The following PCGF1 variants were observed in gnomAD, a reference collection of about 807,000 sequenced individuals.
The protein encoded by PCGF1 is polycomb group RING finger protein 1.
In PCGF1, 10 loss-of-function variants were observed where a neutral mutation model predicts 38.8. The observed-to-expected ratio is 0.26, with a 90% confidence interval of 0.16 to 0.44. The LOEUF (loss-of-function observed/expected upper bound fraction) is 0.44. Ranked by LOEUF, PCGF1 falls within the 20% of genes least tolerant of loss-of-function variation. PCGF1 has a pLI of 1.00. For synonymous variants in PCGF1, 119 were observed against 121.3 expected, an observed-to-expected ratio of 0.98 and a Z score of 0.12; for missense variants, 230 against 331.5, an observed-to-expected ratio of 0.69 and a Z score of 2.38.
At chr2:74,505,659 G>T (rs1026602995) in intron 6 of PCGF1, 21 bp from the exon 7 acceptor site, 1 of 1,614,020 alleles carries the variant, frequency 6.2e-7, no homozygotes, top group Non-Finnish European at 8.5e-7. Flanking sequence ...GGAGGGGAGG[G>T]AAGAGGGCAA....
In PCGF1 at chr2:74,505,415, T is replaced by C; in HGVS notation, c.656A>G (p.Gln219Arg). 1 of 1,609,586 alleles carries C rather than the reference T, an allele frequency of 6.2e-7. No homozygotes were observed. The highest frequency in any genetic ancestry group is 8.5e-7 in the Non-Finnish European group (1 of 1,177,420). ...GAGAACTTCATTGTCAAAAAGGAGC[T>C]GCACCTAGGAGGGAGATGGGGGCAT... Reference protein sequence around the residue: ...HRLMLNPQHVQLLFDNEVLPD... With the variant: ...HRLMLNPQHVRLLFDNEVLPD... The change falls in exon 8 of 9, where the codon CAG becomes CGG. Residue 219 changes from glutamine (Q) to arginine (R), a missense_variant. Around this residue, in one of 3 missense-constraint regions of PCGF1, gnomAD observed 144 missense variants for 182.4 expected, o/e 0.79. Coordinates refer to ENST00000233630, the MANE Select transcript of PCGF1 (RefSeq NM_032673.3).
intron 3 of PCGF1, 86 bp downstream of exon 3, chr2:74,506,646 C>A: frequency 1.4e-6 from 2 of 1,457,998 alleles, no homozygotes; most frequent in South Asian, 2.3e-5. Flanking sequence ...CTTCTGCCTA[C>A]GTGAGTCCTA....
rs777234621 is a variant in PCGF1 at position 74,505,142 on chromosome 2, C to T, written c.*1G>A. The T allele has an allele frequency of 4.7e-6, 7 of 1,500,818 alleles. No homozygotes were observed. In the Admixed American group the frequency reaches 9.3e-5, roughly 20 times the overall value. The allele number at this position is 1,500,818 out of a possible 1,614,324, so 93.0% of individuals were successfully genotyped here. ...AGTGGGATGGGGTGGGGGCTTGGCCCCTACCTCCTCTTCTCTTTCACACTG... is the reference window on the plus strand; with the variant it reads ...AGTGGGATGGGGTGGGGGCTTGGCCTCTACCTCCTCTTCTCTTTCACACTG... On this transcript the variant is annotated 3_prime_UTR_variant, in exon 9 of 9. Coordinates refer to ENST00000233630, the MANE Select transcript of PCGF1 (RefSeq NM_032673.3).
At chr2:74,506,578 A>C in intron 3 of PCGF1, 154 bp downstream of exon 3, 1 of 858,996 alleles carries the variant, frequency 1.2e-6, no homozygotes, top group Non-Finnish European at 1.8e-6. Flanking sequence ...TCAAAAAAAG[A>C]AAAAAAAGAA....
At chr2:74,505,479 G>A (rs865787941) in intron 7 of PCGF1, 60 bp from the exon 8 acceptor site, 1 of 1,608,118 alleles carries the variant, frequency 6.2e-7, no homozygotes. Context: ...AACTACCCTG[G>A]TCCACCCTAG....
At chr2:74,507,550 C>T (rs1237706063) in intron 1 of PCGF1, 26 bp downstream of exon 1, 1 of 1,566,896 alleles carries the variant, frequency 6.4e-7, no homozygotes. Context: ...TGGCCGACCA[C>T]AGCAGTAACC....
Position 74,505,755 on chromosome 2 carries a change from CTTGTCT to C in PCGF1, c.540_545del (p.Asp181_Lys182del). The stretch of plus-strand genomic sequence containing the variant: ...TTCTCACCTGCAGGACGCTTTTATT[CTTGTCT>C]TTGCCAGAACTGGGGGGAAATAGAC... On this transcript the variant is annotated inframe_deletion, in exon 6 of 9. Transcript: ENST00000233630. 3 of 1,614,182 alleles carry C rather than the reference CTTGTCT, an allele frequency of 1.9e-6. No individual in the cohort carries two copies. The highest frequency in any genetic ancestry group is 2.5e-6 in the Non-Finnish European group (3 of 1,180,024).
At chr2:74,507,483 G>T in intron 1 of PCGF1, 93 bp downstream of exon 1, 1 of 1,517,720 alleles carries the variant, frequency 6.6e-7, no homozygotes, top group Non-Finnish European at 8.8e-7. Context: ...CTGCGCAGGC[G>T]CACTGGGCGC....
rs375026309 is a variant in PCGF1 at position 74,505,745 on chromosome 2, C to T, written c.556G>A (p.Val186Ile). The T allele has an allele frequency of 2.6e-5, 42 of 1,614,040 alleles. No homozygotes were observed. The African/African-American group carries it at 3.3e-4, about 13-fold the overall frequency. Residue 186 changes from valine to isoleucine, a missense_variant, in exon 6 of 9, where the codon GTC (valine) becomes ATC (isoleucine). Physicochemically the swap from Val to Ile is conservative, Grantham distance 29 (BLOSUM62 3). Coordinates refer to ENST00000233630, the MANE Select transcript of PCGF1 (RefSeq NM_032673.3). ...LSSGKDKNKS[V>I]LQNKYVRCSV... ...CCCTCAGCCCTTCTCACCTGCAGGA[C>T]GCTTTTATTCTTGTCTTTGCCAGAA...
At chr2:74,505,692 G>T in intron 6 of PCGF1, 45 bp downstream of exon 6, 1 of 1,614,074 alleles carries the variant, frequency 6.2e-7, no homozygotes. Context: ...AAGGACCATG[G>T]GAGGTGAGTC....
At position 74,507,607 on chromosome 2, in the gene PCGF1, G is replaced by T; in HGVS notation, c.62C>A (p.Ser21Ter). Residue 21 changes from serine to a stop codon, truncating the protein, a stop_gained, in exon 1 of 9, where the codon TCA becomes TAA. Transcript: ENST00000233630. LOFTEE classifies it high-confidence loss of function. The part of the protein sequence containing the change: ...IAMRLRNQLQ[S>*]VYKMDPLRNE... ...CCGTAGCGGGTCCATCTTGTACACT[G>T]ACTGGAGCTGGTTCCGAAGCCTCAT... 2 of 1,588,786 alleles carry T rather than the reference G, an allele frequency of 1.3e-6. No individual in the cohort carries two copies. Among genetic ancestry groups the T allele is most frequent in the South Asian group, 1.1e-5 (1 of 87,086 alleles).
In PCGF1 at chr2:74,505,283, G is replaced by C. The variant is rs1674600197; in HGVS notation, c.732+56C>G. ...CCCACCCTTCCCCTGAGGACTGTAG[G>C]ATGGTTGGGGGGAGTCTGAAGGGGG... On this transcript the variant is annotated intron_variant, in intron 8 of 8. Transcript: ENST00000233630. The C allele has an allele frequency of 2.5e-6, 4 of 1,580,754 alleles. No homozygotes were observed. In the South Asian group the frequency reaches 4.6e-5, roughly 18 times the overall value.
chr2:74,505,949 C>T lies in PCGF1; in HGVS notation c.530+3G>A. ...CTCCTGCAACCCCTGACCTTCTCCT[C>T]ACCTCAGCCGCTCCAGGCACAGGTT... On this transcript the variant is annotated splice_donor_region_variant and intron_variant, in intron 5 of 8. Coordinates refer to ENST00000233630, the MANE Select transcript of PCGF1 (RefSeq NM_032673.3). The T allele has an allele frequency of 6.2e-7, 1 of 1,613,920 alleles. No homozygotes were observed. The highest frequency in any genetic ancestry group is 8.5e-7 in the Non-Finnish European group (1 of 1,179,982).
chr2:74,506,477 C>T (rs1021816293), intron 3 of PCGF1: 2 of 611,652 alleles, frequency 3.3e-6, no homozygotes, highest in Admixed American at 5.9e-5. Flanking sequence ...ACTCAGGAGG[C>T]TGAGGCAGGA....
intron 3 of PCGF1, 197 bp downstream of exon 3, chr2:74,506,535 G>A (rs1179074142): frequency 2.6e-5 from 17 of 646,630 alleles, no homozygotes; most frequent in East Asian, 1.1e-4. Flanking sequence ...CTGAGATTGC[G>A]CCACTGCACT....
intron 5 of PCGF1, 78 bp downstream of exon 5, chr2:74,505,874 T>G: frequency 6.2e-7 from 1 of 1,601,870 alleles, no homozygotes; most frequent in South Asian, 1.1e-5. Flanking sequence ...CACTCACTGC[T>G]CAGCCTCTCC....
At position 74,507,679 on chromosome 2, in the gene PCGF1, G is replaced by C. The variant is rs771608876; in HGVS notation, c.-11C>G. On this transcript the variant is annotated 5_prime_UTR_variant, in exon 1 of 9. The change creates a new upstream start codon in the 5' untranslated region. Coordinates refer to ENST00000233630, the MANE Select transcript of PCGF1 (RefSeq NM_032673.3). Reference sequence around the variant, plus strand: ...CTGAGGAGACGCCATCTTAAAGGCTGATCCCAGCCGGCCACTTCCGGTGCC... The same window carrying C: ...CTGAGGAGACGCCATCTTAAAGGCTCATCCCAGCCGGCCACTTCCGGTGCC... 1.3e-6 allele frequency: 2 copies of C among 1,552,582 alleles called. No homozygotes were observed. The highest frequency in any genetic ancestry group is 1.7e-6 in the Non-Finnish European group (2 of 1,148,484).
chr2:74,506,333 T>C lies in PCGF1; in HGVS notation c.353-81A>G, dbSNP rs1674633937. 9.8e-6 allele frequency: 13 copies of C among 1,330,262 alleles called. No homozygotes were observed. The Admixed American group carries it at 2.2e-4, about 23-fold the overall frequency. The allele number at this position is 1,330,262 out of a possible 1,614,324, so 82.4% of individuals were successfully genotyped here. On this transcript the variant is annotated intron_variant, in intron 3 of 8. Coordinates refer to ENST00000233630, the MANE Select transcript of PCGF1 (RefSeq NM_032673.3). The stretch of plus-strand genomic sequence containing the variant: ...TGGCTCACGCCTGTAATCCCAGCAC[T>C]TTGGGAGGCAGAGGTGGGCAGATCA...
Position 74,505,981 on chromosome 2 carries a change from C to T in PCGF1, c.501G>A (p.Glu167=), listed in dbSNP as rs1242023148. ...HSKAHYYRYD[E]QLNLCLERLS... ...GCCGCTCCAGGCACAGGTTCAACTG[C>T]TCATCATAGCGATAGTAGTGGGCTT... Residue 167 remains glutamate, a synonymous_variant, in exon 5 of 9, where the codon GAG becomes GAA. Coordinates refer to ENST00000233630, the MANE Select transcript of PCGF1 (RefSeq NM_032673.3). 1 of 1,614,202 alleles carries T rather than the reference C, an allele frequency of 6.2e-7. No individual in the cohort carries two copies. The highest frequency in any genetic ancestry group is 8.5e-7 in the Non-Finnish European group (1 of 1,180,040).
Sources: allele counts gnomAD v4.1 joint callset, GRCh38; gene constraint gnomAD v4.1.1; regional missense constraint gnomAD v4.1.1; transcripts MANE v1.5; gene names NCBI Gene and HGNC (gene_info 2026-07-23, HGNC 2026-07-21).